Variants in SPNS3 observed in about 807,000 individuals in gnomAD.
SPNS3 encodes SPNS lysolipid transporter 3, sphingosine-1-phosphate (putative), also known as protein spinster homolog 3.
A neutral mutation model predicts 54.4 loss-of-function variants in SPNS3; 51 were observed. That is an observed-to-expected ratio of 0.94 (90% CI 0.75 to 1.18). The LOEUF (loss-of-function observed/expected upper bound fraction) is 1.18, where lower values mean the gene tolerates loss of function less well. Ranked by LOEUF, SPNS3 falls within the 50% of genes most tolerant of loss-of-function variation. The probability of loss-of-function intolerance (pLI) is 0.00; values close to 1 mark genes in which losing one functional copy is unlikely to be tolerated. For missense variants in SPNS3, 669 were observed against 677.4 expected (o/e 0.99, Z 0.14); for synonymous variants, 309 against 294.7 (o/e 1.05, Z -0.50).
At chr17:4,482,937 C>T (rs1972211215) in intron 9 of SPNS3, among the ~76,000 whole-genome samples, 1 of 152,222 alleles carries the variant, frequency 6.6e-6, no homozygotes, top group Non-Finnish European at 1.5e-5. Context: ...AGAAGGGGAG[C>T]TCATTCCCTC....
intron 8 of SPNS3, among the ~76,000 whole-genome samples, chr17:4,470,515 T>C (rs1319137881): frequency 2.0e-5 from 3 of 152,284 alleles, no homozygotes; most frequent in Middle Eastern, 3.4e-3. Flanking sequence ...CACAGAGTTC[T>C]ACAACCATCA....
At chr17:4,479,319 A>T (rs969434985) in intron 9 of SPNS3, among the ~76,000 whole-genome samples, 1 of 152,188 alleles carries the variant, frequency 6.6e-6, no homozygotes, top group African/African-American at 2.4e-5. Flanking sequence ...TGCAGACGGG[A>T]TGCCATCCTT....
chr17:4,462,810 T>TATCCATCCATCC (rs147800983), intron 8 of SPNS3, among the ~76,000 whole-genome samples: 1 of 40,148 alleles, frequency 2.5e-5, no homozygotes, highest in African/African-American at 1.4e-4. Flanking sequence ...TCCACCAATC[T>TATCCATCCATCC]ATCCATCCAT....
chr17:4,446,622 C>T, intron 4 of SPNS3: 1 of 558,322 alleles, frequency 1.8e-6, no homozygotes, highest in Non-Finnish European at 3.2e-6. Context: ...CAAGCAGGGC[C>T]CAGCCTTGGG....
chr17:4,473,136 T>TA (rs1023170289), intron 8 of SPNS3, among the ~76,000 whole-genome samples: 3 of 151,598 alleles, frequency 2.0e-5, no homozygotes, highest in African/African-American at 4.9e-5. Flanking sequence ...TTTCTTTGGT[T>TA]AAAAAATCAC....
chr17:4,438,309 C>T (rs936216672), intron 1 of SPNS3, among the ~76,000 whole-genome samples: 5 of 152,180 alleles, frequency 3.3e-5, no homozygotes, highest in Non-Finnish European at 5.9e-5. Context: ...AACCTTGGGC[C>T]GCTAAAGCCT....
At chr17:4,462,134 C>A (rs918258759) in intron 8 of SPNS3, among the ~76,000 whole-genome samples, 30 of 188 alleles carry the variant, frequency 0.16, 3 homozygotes, top group South Asian at 0.62. Flanking sequence ...TCCATCCATC[C>A]ATCCATCCAT....
At chr17:4,447,250 T>C (rs1051521746) in intron 5 of SPNS3, among the ~76,000 whole-genome samples, 3 of 151,974 alleles carry the variant, frequency 2.0e-5, no homozygotes, top group Non-Finnish European at 2.9e-5. Flanking sequence ...AAAGCGGGGG[T>C]ACTAAATGCT....
intron 8 of SPNS3, among the ~76,000 whole-genome samples, chr17:4,458,625 C>CTTTCTTTCTTTCT (rs1555530844): frequency 1.9e-4 from 24 of 126,796 alleles, no homozygotes; most frequent in East Asian, 4.5e-4. Flanking sequence ...TTCTTTCTTT[C>CTTTCTTTCTTTCT]TTTCTTTCTT....
chr17:4,438,091 G>A (rs1471386535), intron 1 of SPNS3, among the ~76,000 whole-genome samples: 3 of 152,210 alleles, frequency 2.0e-5, no homozygotes, highest in Non-Finnish European at 4.4e-5. Context: ...CCCTCCCTGA[G>A]CAAGGATTTT....
At position 4,449,274 on chromosome 17, in the gene SPNS3, G is replaced by A. The variant is rs768431770; in HGVS notation, c.810G>A (p.Met270Ile). Residue 270 changes from methionine (M) to isoleucine (I), a missense_variant, in exon 7 of 12, where the codon ATG becomes ATA. Transcript: ENST00000355530. Reference sequence around the variant, plus strand: ...GGTCGACCCTCGGAGTGACCGCCATGGCCTTTGTGACTGGAGCCCTGGGGT... The same window carrying A: ...GGTCGACCCTCGGAGTGACCGCCATAGCCTTTGTGACTGGAGCCCTGGGGT... ...FVWSTLGVTA[M>I]AFVTGALGFW... 9.9e-6 allele frequency: 16 copies of A among 1,612,486 alleles called. No homozygotes were observed. The East Asian group carries it at 3.6e-4, about 36-fold the overall frequency.
chr17:4,456,495 T>C (rs1971318406), intron 8 of SPNS3, among the ~76,000 whole-genome samples: 1 of 152,150 alleles, frequency 6.6e-6, no homozygotes, highest in Non-Finnish European at 1.5e-5. Flanking sequence ...ACTGACACTT[T>C]TGTGGGGAAG....
rs752955650 is a variant in SPNS3, at chr17:4,448,121, C to T, written c.622-34C>T. The T allele has an allele frequency of 3.6e-5, 55 of 1,540,974 alleles. 1 individual carries two copies. The highest frequency in any genetic ancestry group is 3.0e-4 in the Admixed American group (13 of 43,952). On this transcript the variant is annotated intron_variant, in intron 5 of 11. Coordinates refer to ENST00000355530, the MANE Select transcript of SPNS3 (RefSeq NM_182538.5). ...GGGTCCCTTGGGCTGTGATAATATG[C>T]GGCCCTGAGCTTCCTGGGCCCTCCT...
chr17:4,478,727 C>T lies in SPNS3; in HGVS notation c.1179+90C>T, dbSNP rs1002723982. The T allele has an allele frequency of 2.0e-5, 26 of 1,296,376 alleles. No homozygotes were observed. The African/African-American group carries it at 3.4e-4, about 17-fold the overall frequency. The allele number at this position is 1,296,376 out of a possible 1,614,324, so 80.3% of individuals were successfully genotyped here. ...CTGAGCAGCTGGGCACTGGCGGCGA[C>T]ATCAGAGACCATACATTAGGGGACC... On this transcript the variant is annotated intron_variant, in intron 9 of 11. Transcript: ENST00000355530.
chr17:4,465,884 A>G (rs1252584198), intron 8 of SPNS3, among the ~76,000 whole-genome samples: 1 of 152,204 alleles, frequency 6.6e-6, no homozygotes, highest in African/African-American at 2.4e-5. Flanking sequence ...CCCTGCCGAC[A>G]TCTGACATTG....
intron 11 of SPNS3, among the ~76,000 whole-genome samples, chr17:4,487,396 A>G (rs1972351497): frequency 6.6e-6 from 1 of 152,180 alleles, no homozygotes; most frequent in African/African-American, 2.4e-5. Context: ...CTGCAGCAGA[A>G]GCAAGAGGGA....
chr17:4,436,073 G>A (rs968299164), intron 1 of SPNS3, among the ~76,000 whole-genome samples: 2 of 152,072 alleles, frequency 1.3e-5, no homozygotes, highest in African/African-American at 4.8e-5. Context: ...GGAGGAAATC[G>A]GACTTGGAGT....
At position 4,434,536 on chromosome 17, in the gene SPNS3, G is replaced by A. The variant is rs375951117; in HGVS notation, c.199+370G>A. 7.8e-4 allele frequency among the ~76,000 whole-genome samples: 118 copies of A among 151,884 alleles called. 1 individual carries two copies. The Middle Eastern group carries it at 0.014, about 18-fold the overall frequency. ...TTTTGAGACAGAGTCTCGCTCTGTC[G>A]CCCAGGCTGGAGTGTAGTGGCGCAA... On this transcript the variant is annotated intron_variant, in intron 1 of 11. Transcript: ENST00000355530.
At chr17:4,442,739 C>T (rs1970885454) in intron 2 of SPNS3, among the ~76,000 whole-genome samples, 1 of 152,150 alleles carries the variant, frequency 6.6e-6, no homozygotes, top group Admixed American at 6.6e-5. Context: ...ACGACAATCC[C>T]ACCAGGCAGG....
Sources: gnomAD v4.1 joint callset for allele counts (sites outside exome capture counted in the v4.1 genomes callset) on GRCh38, gnomAD v4.1.1 for gene constraint, MANE v1.5 for transcripts, NCBI Gene and HGNC (gene_info 2026-07-23, HGNC 2026-07-21) for gene names.